The following YTHDC2 variants were observed in gnomAD, a reference collection of about 807,000 sequenced individuals.
YTHDC2 encodes the protein 3'-5' RNA helicase YTHDC2.
A neutral mutation model predicts 174.9 loss-of-function variants in YTHDC2; 45 were observed. The ratio of observed to expected loss-of-function variants is 0.26; its 90% confidence interval spans 0.20 to 0.33. The LOEUF is 0.33. Among genes scored for constraint, YTHDC2 ranks in the 10% least tolerant of loss-of-function variants. The probability of loss-of-function intolerance (pLI) is 1.00; values close to 1 mark genes in which losing one functional copy is unlikely to be tolerated. For missense variants in YTHDC2, 1,650 were observed against 1,723.7 expected (o/e 0.96, Z 0.76); for synonymous variants, 657 against 574.5 (o/e 1.14, Z -2.05).
chr5:113,519,314 A>T (rs148827680), intron 2 of YTHDC2, among the ~76,000 whole-genome samples: 43 of 152,170 alleles, frequency 2.8e-4, no homozygotes, highest in African/African-American at 1.0e-3. Context: ...ATTTCACATC[A>T]TTATTTACTT....
rs1438571352 is a variant in YTHDC2, at chr5:113,591,196, C to G, written c.3981C>G (p.Ser1327Arg). The change falls in exon 27 of 30, where the codon AGC becomes AGG. Residue 1327 changes from serine to arginine, a missense_variant. Around this residue, in one of 5 missense-constraint regions of YTHDC2, gnomAD observed 913 missense variants for 940.4 expected, o/e 0.97. Transcript: ENST00000161863. The part of the protein sequence containing the change: ...ERKLNRAFWE[S>R]SIVYLVFSVQ... Reference sequence around the variant, plus strand: ...AGCTAAATCGAGCCTTTTGGGAAAGCAGCATAGTTTACTTGGTATTTTCTG... The same window carrying G: ...AGCTAAATCGAGCCTTTTGGGAAAGGAGCATAGTTTACTTGGTATTTTCTG... 1.9e-6 allele frequency: 3 copies of G among 1,613,914 alleles called. No individual in the cohort carries two copies. The highest frequency in any genetic ancestry group is 2.5e-6 in the Non-Finnish European group (3 of 1,179,884).
intron 26 of YTHDC2, among the ~76,000 whole-genome samples, chr5:113,589,406 A>ATATATATATATATATAT (rs1350140447): frequency 1.1e-3 from 123 of 111,022 alleles, no homozygotes; most frequent in African/African-American, 4.1e-3. Context: ...AAAAAAAAAA[A>ATATATATATATATATAT]AAATATATAT....
At chr5:113,571,491 C>A (rs1777714635) in intron 23 of YTHDC2, among the ~76,000 whole-genome samples, 1 of 152,106 alleles carries the variant, frequency 6.6e-6, no homozygotes, top group Non-Finnish European at 1.5e-5. Flanking sequence ...GCTGGTCTTA[C>A]AGTATGAGTT....
intron 2 of YTHDC2, among the ~76,000 whole-genome samples, chr5:113,520,884 A>T (rs1008058929): frequency 2.0e-5 from 3 of 152,140 alleles, no homozygotes; most frequent in Non-Finnish European, 4.4e-5. Flanking sequence ...CCTAGTACCC[A>T]TTATTTTTCT....
chr5:113,538,811 C>T (rs1283465844), intron 7 of YTHDC2, among the ~76,000 whole-genome samples: 1 of 152,048 alleles, frequency 6.6e-6, no homozygotes, highest in Non-Finnish European at 1.5e-5. Flanking sequence ...ACAATTTCTA[C>T]TTATAATACA....
At chr5:113,526,060 C>T (rs1774210086) in intron 3 of YTHDC2, among the ~76,000 whole-genome samples, 1 of 151,982 alleles carries the variant, frequency 6.6e-6, no homozygotes, top group African/African-American at 2.4e-5. Context: ...CATAATTATT[C>T]TATTTGATCA....
intron 10 of YTHDC2, among the ~76,000 whole-genome samples, chr5:113,543,519 G>T: frequency 6.6e-6 from 1 of 152,104 alleles, no homozygotes; most frequent in South Asian, 2.1e-4. Context: ...CCTCTCTTCT[G>T]GACTATTGCA....
At chr5:113,539,332 A>G (rs2112610547) in intron 8 of YTHDC2, 151 bp downstream of exon 8, 1 of 368,740 alleles carries the variant, frequency 2.7e-6, no homozygotes. Context: ...TATTGTCCCA[A>G]ATATTCCTTT....
chr5:113,550,597 A>C (rs552869790), intron 12 of YTHDC2, among the ~76,000 whole-genome samples: 2 of 152,004 alleles, frequency 1.3e-5, no homozygotes, highest in African/African-American at 2.4e-5. Context: ...AGGTTCGCAG[A>C]TAATGACTAC....
chr5:113,592,870 T>G (rs1424186755), intron 28 of YTHDC2: 2 of 152,486 alleles, frequency 1.3e-5, no homozygotes, highest in East Asian at 3.8e-4. Flanking sequence ...GAAAAAATAT[T>G]TTAATAATTT....
chr5:113,541,476 C>T (rs1486838539), intron 9 of YTHDC2, among the ~76,000 whole-genome samples: 2 of 152,112 alleles, frequency 1.3e-5, no homozygotes, highest in Non-Finnish European at 2.9e-5. Flanking sequence ...CAGGAGTGAG[C>T]CACTGCACCC....
chr5:113,540,538 A>T (rs10035218), intron 8 of YTHDC2, among the ~76,000 whole-genome samples: 3 of 152,146 alleles, frequency 2.0e-5, no homozygotes, highest in African/African-American at 7.2e-5. Flanking sequence ...GCAAAGGGGA[A>T]GCAAGGACCT....
intron 23 of YTHDC2, among the ~76,000 whole-genome samples, chr5:113,577,684 A>AT (rs1778143105): frequency 6.6e-6 from 1 of 152,144 alleles, no homozygotes; most frequent in Non-Finnish European, 1.5e-5. Context: ...TTGTATATTA[A>AT]TTTAATGTTT....
At chr5:113,575,451 G>C (rs530718720) in intron 23 of YTHDC2, among the ~76,000 whole-genome samples, 1 of 152,264 alleles carries the variant, frequency 6.6e-6, no homozygotes, top group South Asian at 2.1e-4. Flanking sequence ...TGACCTACTT[G>C]AAAGAAAGCC....
At chr5:113,553,052 A>G in intron 12 of YTHDC2, 129 bp from the exon 13 acceptor site, 3 of 914,616 alleles carry the variant, frequency 3.3e-6, no homozygotes, top group East Asian at 3.0e-5. Flanking sequence ...AACATGAATC[A>G]TATTATAGCT....
At chr5:113,566,109 T>C in intron 21 of YTHDC2, 90 bp downstream of exon 21, 1 of 1,323,980 alleles carries the variant, frequency 7.6e-7, no homozygotes, top group Non-Finnish European at 1.0e-6. Flanking sequence ...TGATGCCATC[T>C]ATTATTTTTA....
intron 28 of YTHDC2, chr5:113,592,406 G>T: frequency 2.7e-6 from 1 of 372,130 alleles, no homozygotes; most frequent in Non-Finnish European, 4.8e-6. Context: ...ACTTCTCTTT[G>T]GCTTTAATTA....
chr5:113,561,957 GGTGTGTGTGTGTGTGTGTGTGT>G (rs70973686), intron 18 of YTHDC2, among the ~76,000 whole-genome samples: 6 of 134,958 alleles, frequency 4.4e-5, no homozygotes, highest in East Asian at 2.2e-4. Context: ...ATTAATTGTG[GGTGTGTGTGTGTGTGTGTGTGT>G]GTGTGTGTGT....
chr5:113,534,711 A>G (rs1025661096), intron 6 of YTHDC2, among the ~76,000 whole-genome samples: 3 of 152,008 alleles, frequency 2.0e-5, no homozygotes, highest in African/African-American at 7.2e-5. Flanking sequence ...GCATGCACTT[A>G]GAGTTCTCAA....
Sources: gnomAD v4.1 joint callset for allele counts (sites outside exome capture counted in the v4.1 genomes callset) on GRCh38, gnomAD v4.1.1 for gene constraint, gnomAD v4.1.1 regional missense constraint, MANE v1.5 for transcripts, NCBI Gene and HGNC (gene_info 2026-07-23, HGNC 2026-07-21) for gene names.